Variants in ZNF217 observed in about 807,000 individuals in gnomAD.
ZNF217 encodes zinc finger protein 217.
Under a neutral mutation model 73.3 loss-of-function variants are expected in ZNF217, and 12 were observed. The observed-to-expected ratio is 0.16, with a 90% CI of 0.10 to 0.27. The LOEUF (loss-of-function observed/expected upper bound fraction) is 0.27. Among genes scored for constraint, ZNF217 ranks in the 10% least tolerant of loss-of-function variants. The pLI is 1.00. For synonymous variants in ZNF217, 588 were observed against 516.4 expected, an observed-to-expected ratio of 1.14 and a Z score of -1.88; for missense variants, 1,195 against 1,327.8, an observed-to-expected ratio of 0.90 and a Z score of 1.55.
Position 53,586,502 on chromosome 20 carries a change from AT to A in ZNF217, c.-342-3335del, listed in dbSNP as rs532204240. Among the ~76,000 whole-genome samples, 134 of 152,278 alleles carry A rather than the reference AT, an allele frequency of 8.8e-4. 1 individual carries two copies. The highest frequency in any genetic ancestry group is 1.4e-3 in the Non-Finnish European group (98 of 68,028). On this transcript the variant is annotated intron_variant, in intron 1 of 5. Transcript: ENST00000371471. Reference sequence around the variant, plus strand: ...ATTTGGATTTATACTCACTCTCCTTATGACCCTCCAAAACAAAAATGCTGGG... The same window carrying A: ...ATTTGGATTTATACTCACTCTCCTTAGACCCTCCAAAACAAAAATGCTGGG...
At chr20:53,570,345 C>T (rs1006074850) in intron 5 of ZNF217, 14 of 152,944 alleles carry the variant, frequency 9.2e-5, no homozygotes, top group Non-Finnish European at 2.9e-5. Context: ...ATATGAGTCC[C>T]GATGAAAATA....
rs773801084 is a variant in ZNF217 at position 53,575,932 on chromosome 20, C to T, written c.2832G>A (p.Lys944=). The change falls in exon 4 of 6, where the codon AAG becomes AAA. Residue 944 remains lysine, a synonymous_variant. Coordinates refer to ENST00000371471, the MANE Select transcript of ZNF217 (RefSeq NM_006526.3). ...ATGTGATGCCTCTGACCATATGGTA[C>T]TTGGGAAGGTCATAGCCTCTTCTGT... ...ANYRRGYDLP[K]YHMVRGITSL... 3.2e-5 allele frequency: 51 copies of T among 1,614,094 alleles called. No individual in the cohort carries two copies. In the South Asian group the frequency reaches 4.8e-4, roughly 15 times the overall value.
At chr20:53,589,588 G>T (rs994626645) in intron 1 of ZNF217, among the ~76,000 whole-genome samples, 1 of 151,638 alleles carries the variant, frequency 6.6e-6, no homozygotes, top group African/African-American at 2.4e-5. Context: ...CAGATTTTAG[G>T]AAAGAATGGT....
intron 2 of ZNF217, among the ~76,000 whole-genome samples, chr20:53,580,840 G>A (rs190337173): frequency 0.011 from 1,744 of 152,176 alleles, 34 homozygotes; most frequent in African/African-American, 0.039. Flanking sequence ...GGCTCTAGTT[G>A]ATCATCACTC....
At chr20:53,583,467 G>GA (rs1184309532) in intron 1 of ZNF217, among the ~76,000 whole-genome samples, 1 of 152,272 alleles carries the variant, frequency 6.6e-6, no homozygotes, top group Admixed American at 6.5e-5. Context: ...AAATTCAGCT[G>GA]AATACATTTT....
chr20:53,582,203 G>A lies in ZNF217; in HGVS notation c.624C>T (p.Ala208=), dbSNP rs201777102. The A allele has an allele frequency of 8.2e-5, 133 of 1,613,896 alleles. No individual in the cohort carries two copies. Among genetic ancestry groups the A allele is most frequent in the Non-Finnish European group, 9.8e-5 (116 of 1,180,054 alleles). Residue 208 remains alanine, a synonymous_variant, in exon 2 of 6, where the codon GCC becomes GCT. Coordinates refer to ENST00000371471, the MANE Select transcript of ZNF217 (RefSeq NM_006526.3). The surrounding 1 kb of genome is among the most constrained non-coding windows in gnomAD (Gnocchi z 4.8). Reference sequence around the variant, plus strand: ...TTTTGTAAGGAGAGGAGATGCTCTCGGCCGCGTGCACCTGGACGACCTCGT... The same window carrying A: ...TTTTGTAAGGAGAGGAGATGCTCTCAGCCGCGTGCACCTGGACGACCTCGT... ...TINEVVQVHA[A]ESISSPYKIC...
At chr20:53,580,594 A>G (rs2145953057) in intron 2 of ZNF217, among the ~76,000 whole-genome samples, 1 of 152,330 alleles carries the variant, frequency 6.6e-6, no homozygotes, top group Non-Finnish European at 1.5e-5. Context: ...GGGCTCAGGA[A>G]TATTATGTGA....
chr20:53,572,932 G>A (rs1440086903), intron 4 of ZNF217: 1 of 152,128 alleles, frequency 6.6e-6, no homozygotes, highest in East Asian at 1.9e-4. Flanking sequence ...CATCTATGAG[G>A]TTAACAATCT....
rs571318726 is a variant in ZNF217 at position 53,591,123 on chromosome 20, A to G, written c.-343+2633T>C. 7.2e-5 allele frequency among the ~76,000 whole-genome samples: 11 copies of G among 152,292 alleles called. No individual in the cohort carries two copies. The South Asian group carries it at 2.3e-3, about 32-fold the overall frequency. ...GTAAAGGGGAGAAAAGTTTTCTACA[A>G]ATTTTTTCTAAGTGGTGTATTAGTT... is the stretch of plus-strand genomic sequence containing the variant. On this transcript the variant is annotated intron_variant, in intron 1 of 5. Coordinates refer to ENST00000371471, the MANE Select transcript of ZNF217 (RefSeq NM_006526.3).
intron 4 of ZNF217, among the ~76,000 whole-genome samples, chr20:53,574,198 C>T (rs1170882874): frequency 6.6e-6 from 1 of 152,150 alleles, no homozygotes; most frequent in Non-Finnish European, 1.5e-5. Context: ...ATGTTCAGTA[C>T]AGATGCGACC....
intron 1 of ZNF217, among the ~76,000 whole-genome samples, chr20:53,587,865 A>G (rs1477428883): frequency 1.6e-4 from 24 of 150,000 alleles, no homozygotes; most frequent in Non-Finnish European, 3.0e-5. Flanking sequence ...ACTAACAATC[A>G]AAAAGCTACA....
intron 1 of ZNF217, among the ~76,000 whole-genome samples, chr20:53,589,946 C>A (rs1448831169): frequency 5.7e-5 from 8 of 140,148 alleles, no homozygotes. Context: ...CAAGACCCCC[C>A]CGCCCGCCAT....
chr20:53,577,813 T>C (rs772067024), intron 3 of ZNF217, among the ~76,000 whole-genome samples: 5 of 152,222 alleles, frequency 3.3e-5, no homozygotes, highest in Admixed American at 6.5e-5. Flanking sequence ...AAATGAACTT[T>C]GTCCGGGCGC....
rs1988973372 is a variant in ZNF217 at position 53,593,782 on chromosome 20, C to T, written c.-369G>A. The T allele has an allele frequency of 2.0e-5, 3 of 150,302 alleles. No homozygotes were observed. Among genetic ancestry groups the T allele is most frequent in the Admixed American group, 1.3e-4 (2 of 15,184 alleles). The allele number at this position is 150,302 out of a possible 1,614,324, so 9.3% of individuals were successfully genotyped here. A position where few individuals can be genotyped will look rare whatever the true frequency, so the allele number is the denominator to read the frequency against. On this transcript the variant is annotated 5_prime_UTR_variant, in exon 1 of 6. Coordinates refer to ENST00000371471, the MANE Select transcript of ZNF217 (RefSeq NM_006526.3). ...TGCGGCTCCGGCTCCTCGGCCATTTCCTCGCGCGGCGGCGGCCGGGACTGA... is the reference window on the plus strand; with the variant it reads ...TGCGGCTCCGGCTCCTCGGCCATTTTCTCGCGCGGCGGCGGCCGGGACTGA...
intron 1 of ZNF217, among the ~76,000 whole-genome samples, chr20:53,592,367 G>C (rs57530186): frequency 6.6e-6 from 1 of 150,492 alleles, no homozygotes; most frequent in East Asian, 2.0e-4. Context: ...AACCTGAAAT[G>C]ACTACCCTTT....
In ZNF217 at chr20:53,582,729, T is replaced by C; in HGVS notation, c.98A>G (p.Glu33Gly). ...TTTCATTGACAAGGCATCCTCCATC[T>C]CCATCGGACTGCCAAGAGAGCTGCC... is the stretch of plus-strand genomic sequence containing the variant. ...VIGSSLGSPM[E>G]MEDALSMKGT... The change falls in exon 2 of 6, where the codon GAG becomes GGG. Residue 33 changes from glutamate (E) to glycine (G), a missense_variant. Glu to Gly is a moderately conservative substitution (Grantham distance 98). Coordinates refer to ENST00000371471, the MANE Select transcript of ZNF217 (RefSeq NM_006526.3). This position sits in a 1 kb window ranked among gnomAD's most constrained non-coding sequence, Gnocchi z 4.8. 1 of 1,614,150 alleles carries C rather than the reference T, an allele frequency of 6.2e-7. No homozygotes were observed. The highest frequency in any genetic ancestry group is 8.5e-7 in the Non-Finnish European group (1 of 1,180,024).
chr20:53,587,439 C>A (rs1400184203), intron 1 of ZNF217, among the ~76,000 whole-genome samples: 1 of 152,164 alleles, frequency 6.6e-6, no homozygotes, highest in African/African-American at 2.4e-5. Flanking sequence ...GAATATTTTT[C>A]TTTACATCCT....
chr20:53,592,408 A>C (rs1988909634), intron 1 of ZNF217, among the ~76,000 whole-genome samples: 1 of 152,090 alleles, frequency 6.6e-6, no homozygotes, highest in South Asian at 2.1e-4. Context: ...AAAAAGAAAA[A>C]AAAGTTTCTG....
At position 53,582,934 on chromosome 20, in the gene ZNF217, A is replaced by G. The variant is rs147702769; in HGVS notation, c.-108T>C. The G allele has an allele frequency of 1.7e-5, 20 of 1,205,334 alleles. No homozygotes were observed. In the African/African-American group the frequency reaches 2.6e-4, roughly 16 times the overall value. 74.7% of individuals were successfully genotyped at this position (1,205,334 alleles called of 1,614,324 possible). On this transcript the variant is annotated 5_prime_UTR_variant, in exon 2 of 6. Transcript: ENST00000371471. The surrounding 1 kb of genome is among the most constrained non-coding windows in gnomAD (Gnocchi z 4.8). ...CTGGGTTCCAAAAACCAGAGCAAAT[A>G]TTTATTATAAAAGTTCAAAAGAAAG...
Sources: allele counts gnomAD v4.1 joint callset (sites outside exome capture counted in the v4.1 genomes callset), GRCh38; gene constraint gnomAD v4.1.1; non-coding constraint Gnocchi (gnomAD v3.1); transcripts MANE v1.5; gene names NCBI Gene and HGNC (gene_info 2026-07-23, HGNC 2026-07-21).